Variants in SLC14A2 observed in about 807,000 individuals in gnomAD.
SLC14A2 encodes solute carrier family 14 member 2.
SLC14A2 carries 91 observed loss-of-function variants against 104.6 expected under a neutral mutation model. The observed-to-expected ratio is 0.87, with a 90% confidence interval of 0.73 to 1.04. The LOEUF (loss-of-function observed/expected upper bound fraction) is 1.04. SLC14A2 is among the 50% of genes least tolerant of loss of function. The pLI is 0.00. For synonymous variants in SLC14A2, 476 were observed against 466.4 expected (o/e 1.02, Z -0.27); for missense variants, 1,189 against 1,156.0 (o/e 1.03, Z -0.41).
At chr18:45,407,621 T>G (rs1020798498) in intron 1 of SLC14A2, among the ~76,000 whole-genome samples, 1 of 152,178 alleles carries the variant, frequency 6.6e-6, no homozygotes, top group African/African-American at 2.4e-5. Flanking sequence ...CTCAAAAACT[T>G]AATCATGTCT....
At chr18:45,578,361 C>T (rs1255427120) in intron 2 of SLC14A2, among the ~76,000 whole-genome samples, 1 of 152,210 alleles carries the variant, frequency 6.6e-6, no homozygotes, top group Non-Finnish European at 1.5e-5. Flanking sequence ...AGACCATAAA[C>T]CACACATTCT....
At chr18:45,394,231 T>C (rs16978360) in intron 1 of SLC14A2, among the ~76,000 whole-genome samples, 6,551 of 152,298 alleles carry the variant, frequency 0.043, 461 homozygotes, top group African/African-American at 0.15. Flanking sequence ...TTCTCTTGTA[T>C]ATCAAGCTGT....
the SLC14A2 span, among the ~76,000 whole-genome samples, chr18:45,195,878 A>G: frequency 6.6e-6 from 1 of 152,186 alleles, no homozygotes; most frequent in Admixed American, 6.5e-5. Flanking sequence ...TTTAAAAGAA[A>G]AATATGAGAC....
chr18:45,219,067 A>T (rs145891618), intron 1 of SLC14A2, among the ~76,000 whole-genome samples: 1 of 152,250 alleles, frequency 6.6e-6, no homozygotes, highest in Non-Finnish European at 1.5e-5. Context: ...CAAAAAATGT[A>T]TAAGTGAGTC....
At chr18:45,586,365 G>A (rs2144373310) in intron 2 of SLC14A2, among the ~76,000 whole-genome samples, 1 of 152,318 alleles carries the variant, frequency 6.6e-6, no homozygotes, top group African/African-American at 2.4e-5. Context: ...GGGAGGAGAG[G>A]AGAGGAAGTG....
At chr18:45,174,785 G>A in the SLC14A2 span, among the ~76,000 whole-genome samples, 5 of 152,094 alleles carry the variant, frequency 3.3e-5, no homozygotes, top group Admixed American at 1.3e-4. Flanking sequence ...TGTGAGAAAA[G>A]GAACAACCCA....
chr18:45,457,008 C>G (rs1376596336), intron 1 of SLC14A2, among the ~76,000 whole-genome samples: 15 of 151,998 alleles, frequency 9.9e-5, no homozygotes. Flanking sequence ...GATACAGGGA[C>G]CTGGAGACCT....
chr18:45,501,918 AT>A lies in SLC14A2; in HGVS notation c.-35+18597del, dbSNP rs557731848. Among the ~76,000 whole-genome samples, 587 of 152,322 alleles carry A rather than the reference AT, an allele frequency of 3.9e-3. 3 individuals are homozygous for A. Among genetic ancestry groups the A allele is most frequent in the African/African-American group, 0.013 (559 of 41,564 alleles). Reference sequence around the variant, plus strand: ...GCTCCAACCCTGATTTCTTCCTCTTATCCTTGGATGTGATATCCTGGTTTTA... The same window carrying A: ...GCTCCAACCCTGATTTCTTCCTCTTACCTTGGATGTGATATCCTGGTTTTA... On this transcript the variant is annotated intron_variant, in intron 2 of 20. Transcript: ENST00000586448.
intron 1 of SLC14A2, among the ~76,000 whole-genome samples, chr18:45,342,501 A>G (rs946740371): frequency 6.6e-6 from 1 of 152,230 alleles, no homozygotes; most frequent in Non-Finnish European, 1.5e-5. Context: ...TGGGACTTGG[A>G]GAATTTTAAT....
chr18:45,450,046 T>A (rs1315477375), intron 1 of SLC14A2, among the ~76,000 whole-genome samples: 2 of 152,234 alleles, frequency 1.3e-5, no homozygotes, highest in African/African-American at 4.8e-5. Flanking sequence ...TGTCTGCTAA[T>A]GCCCGCTTCT....
In SLC14A2 at chr18:45,425,335, T is replaced by A. The variant is rs143004149; in HGVS notation, c.-124-57898T>A. On this transcript the variant is annotated intron_variant, in intron 1 of 20. Coordinates refer to the SLC14A2 transcript ENST00000586448. ...ATGGCATGGCTATAACAACATTTGATGAGGGCACCAGTCCCAGGCTTTGGT... is the reference window on the plus strand; with the variant it reads ...ATGGCATGGCTATAACAACATTTGAAGAGGGCACCAGTCCCAGGCTTTGGT... Among the ~76,000 whole-genome samples the A allele has an allele frequency of 9.8e-3, 1,500 of 152,314 alleles. 16 individuals carry two copies. The highest frequency in any genetic ancestry group is 0.024 in the African/African-American group (1,000 of 41,582).
chr18:45,632,306 A>G (rs746573042), intron 4 of SLC14A2, 44 bp from the exon 5 acceptor site: 3 of 1,596,524 alleles, frequency 1.9e-6, no homozygotes, highest in Non-Finnish European at 2.6e-6. Context: ...GGGCCCAGTA[A>G]CACCACCAAC....
intron 1 of SLC14A2, among the ~76,000 whole-genome samples, chr18:45,257,489 G>A (rs1351987742): frequency 6.6e-6 from 1 of 152,080 alleles, no homozygotes; most frequent in Non-Finnish European, 1.5e-5. Context: ...TCAGCTATTG[G>A]CCAGCAAGAA....
At chr18:45,489,206 G>A (rs2087672166) in intron 2 of SLC14A2, among the ~76,000 whole-genome samples, 1 of 152,114 alleles carries the variant, frequency 6.6e-6, no homozygotes, top group South Asian at 2.1e-4. Context: ...CACATTTTAT[G>A]TAACAGTTAA....
chr18:45,212,688 C>A (rs1425585754), upstream of SLC14A2, among the ~76,000 whole-genome samples: 1 of 152,188 alleles, frequency 6.6e-6, no homozygotes, highest in Non-Finnish European at 1.5e-5. Context: ...GATACACTCA[C>A]AACCGCATAG....
chr18:45,453,365 A>G (rs2086887757), intron 1 of SLC14A2, among the ~76,000 whole-genome samples: 1 of 152,184 alleles, frequency 6.6e-6, no homozygotes, highest in African/African-American at 2.4e-5. Flanking sequence ...CACAAAATTG[A>G]CAGAGGTGAC....
At chr18:45,275,868 A>G (rs1459821690) in intron 1 of SLC14A2, among the ~76,000 whole-genome samples, 1 of 152,256 alleles carries the variant, frequency 6.6e-6, no homozygotes, top group Non-Finnish European at 1.5e-5. Flanking sequence ...AAATAAATCA[A>G]TGCAAAATAT....
At chr18:45,329,078 A>T (rs1044196468) in intron 1 of SLC14A2, among the ~76,000 whole-genome samples, 1 of 152,186 alleles carries the variant, frequency 6.6e-6, no homozygotes, top group Non-Finnish European at 1.5e-5. Context: ...AAGTGAAAGA[A>T]AAAAAGGAGA....
chr18:45,304,912 T>C (rs537568827), intron 1 of SLC14A2, among the ~76,000 whole-genome samples: 2 of 152,380 alleles, frequency 1.3e-5, no homozygotes, highest in African/African-American at 4.8e-5. Context: ...ACATGAATCA[T>C]GTCTAACATG....
Sources: gnomAD v4.1 joint callset for allele counts (sites outside exome capture counted in the v4.1 genomes callset) on GRCh38, gnomAD v4.1.1 for gene constraint, MANE v1.5 for transcripts, NCBI Gene and HGNC (gene_info 2026-07-23, HGNC 2026-07-21) for gene names.